CDH8: variants seen among roughly 807,000 people sequenced by gnomAD.
The protein encoded by CDH8 is cadherin 8, also known as cadherin-8.
Under a neutral mutation model 68.1 loss-of-function variants are expected in CDH8, and 17 were observed. That is an observed-to-expected ratio of 0.25 (90% CI 0.17 to 0.37). The LOEUF is 0.37. CDH8 is among the 10% of genes least tolerant of loss of function. CDH8 has a pLI of 1.00. For missense variants in CDH8, 763 were observed against 999.3 expected, an observed-to-expected ratio of 0.76 and a Z score of 3.19; for synonymous variants, 372 against 365.1, an observed-to-expected ratio of 1.02 and a Z score of -0.21.
chr16:62,013,315 A>G (rs1901861188), intron 2 of CDH8, among the ~76,000 whole-genome samples: 1 of 151,462 alleles, frequency 6.6e-6, no homozygotes, highest in African/African-American at 2.4e-5. Flanking sequence ...AATCAAGAGC[A>G]TTGGCAATGT....
At chr16:61,997,259 GATGTTCT>G (rs1965820628) in intron 2 of CDH8, among the ~76,000 whole-genome samples, 1 of 152,018 alleles carries the variant, frequency 6.6e-6, no homozygotes, top group East Asian at 1.9e-4. Flanking sequence ...ATAAAATAAA[GATGTTCT>G]ATTGAGAAAA....
chr16:61,892,462 G>A (rs1169259747), intron 3 of CDH8, among the ~76,000 whole-genome samples: 6 of 152,126 alleles, frequency 3.9e-5, no homozygotes, highest in Non-Finnish European at 1.5e-5. Context: ...ATACTTTAGA[G>A]ACTGAAATAG....
rs3833039 is a variant in CDH8, at chr16:61,817,312, CCACACA to C, written c.1277+161_1277+166del. 2.7e-3 allele frequency among the ~76,000 whole-genome samples: 405 copies of C among 148,074 alleles called. 3 individuals carry two copies. In the East Asian group the frequency reaches 0.029, roughly 11 times the overall value. On this transcript the variant is annotated intron_variant, in intron 7 of 11. Transcript: ENST00000577390. ...GTAGGCATACGTGTGCGTGTACACA[CCACACA>C]CACACACACACACACACACACACAG...
At chr16:61,832,796 A>G (rs1159257479) in intron 4 of CDH8, among the ~76,000 whole-genome samples, 1 of 151,912 alleles carries the variant, frequency 6.6e-6, no homozygotes, top group African/African-American at 2.4e-5. Flanking sequence ...CCTATTGCAA[A>G]TGATTACATT....
At chr16:61,768,312 CT>C (rs1567461059) in intron 8 of CDH8, among the ~76,000 whole-genome samples, 1 of 51,768 alleles carries the variant, frequency 1.9e-5, no homozygotes, top group Non-Finnish European at 3.6e-5. Context: ...GTGTCTCTCC[CT>C]TTCTCTCTCT....
intron 2 of CDH8, among the ~76,000 whole-genome samples, chr16:62,010,934 A>G (rs1388315282): frequency 7.7e-6 from 1 of 129,344 alleles, no homozygotes; most frequent in Non-Finnish European, 1.7e-5. Flanking sequence ...CAAGAGCGAA[A>G]CTCCATTTCA....
At chr16:61,665,752 T>TTTCCTTTC (rs1555500884) in intron 10 of CDH8, among the ~76,000 whole-genome samples, 1 of 99,670 alleles carries the variant, frequency 1.0e-5, no homozygotes, top group Admixed American at 1.0e-4. Context: ...CTGAATTTAT[T>TTTCCTTTC]TTCCTTCCTT....
Position 61,652,639 on chromosome 16 carries a change from T to C in CDH8, c.*969A>G, listed in dbSNP as rs937185465. The C allele has an allele frequency of 9.1e-7, 1 of 1,094,914 alleles. No individual in the cohort carries two copies. The highest frequency in any genetic ancestry group is 4.1e-5 in the South Asian group (1 of 24,230). 67.8% of individuals were successfully genotyped at this position (1,094,914 alleles called of 1,614,324 possible). A position where few individuals can be genotyped will look rare whatever the true frequency, so the allele number is the denominator to read the frequency against. On this transcript the variant is annotated 3_prime_UTR_variant, in exon 12 of 12. Transcript: ENST00000577390. ...GTATTAAACATTCATTGTATATATA[T>C]TTATATAAAACAATCTAAAGGATTA... is the stretch of plus-strand genomic sequence containing the variant.
At chr16:61,945,945 C>T (rs9936428) in intron 2 of CDH8, among the ~76,000 whole-genome samples, 50,765 of 151,942 alleles carry the variant, frequency 0.33, 8,981 homozygotes, top group African/African-American at 0.43. Context: ...TGAAAAGAAA[C>T]GTGGCTGAAT....
intron 2 of CDH8, 93 bp downstream of exon 2, chr16:62,021,059 G>T (rs1215317198): frequency 1.8e-6 from 2 of 1,094,744 alleles, no homozygotes; most frequent in Non-Finnish European, 1.3e-6. Context: ...ACAATTTACA[G>T]CTAAGTGTGG....
At chr16:61,988,131 T>C (rs538508531) in intron 2 of CDH8, among the ~76,000 whole-genome samples, 80 of 152,254 alleles carry the variant, frequency 5.3e-4, no homozygotes, top group African/African-American at 1.6e-3. Flanking sequence ...TTTGTTCTTC[T>C]AGAGAAGAGC....
chr16:61,647,943 A>G lies in CDH8; in HGVS notation c.*5665T>C, dbSNP rs1963240758. ...CTATTAGTAGGGATACTTGCAAGAA[A>G]TAATACTTGCATTCAAGATGTGAAT... is the stretch of plus-strand genomic sequence containing the variant. On this transcript the variant is annotated 3_prime_UTR_variant, in exon 12 of 12. Transcript: ENST00000577390. The G allele has an allele frequency of 4.5e-6, 3 of 671,172 alleles. No individual in the cohort carries two copies. Among genetic ancestry groups the G allele is most frequent in the South Asian group, 1.6e-5 (1 of 62,364 alleles). 41.6% of individuals were successfully genotyped at this position (671,172 alleles called of 1,614,324 possible).
At chr16:61,970,752 C>G (rs1374117943) in intron 2 of CDH8, among the ~76,000 whole-genome samples, 1 of 152,202 alleles carries the variant, frequency 6.6e-6, no homozygotes, top group Non-Finnish European at 1.5e-5. Flanking sequence ...TCAGACCCCA[C>G]AGGTTGAGGG....
intron 2 of CDH8, among the ~76,000 whole-genome samples, chr16:61,929,034 G>A (rs543675974): frequency 3.2e-4 from 49 of 152,046 alleles, no homozygotes; most frequent in East Asian, 9.7e-4. Context: ...TCAGCCTCCC[G>A]AGTAGCTGGG....
intron 3 of CDH8, among the ~76,000 whole-genome samples, chr16:61,883,876 T>C (rs1963623062): frequency 1.3e-5 from 2 of 151,956 alleles, no homozygotes; most frequent in South Asian, 4.1e-4. Context: ...ATGTATTTGA[T>C]GAGAACAATT....
At chr16:61,965,420 G>A (rs1965230275) in intron 2 of CDH8, among the ~76,000 whole-genome samples, 1 of 152,136 alleles carries the variant, frequency 6.6e-6, no homozygotes, top group African/African-American at 2.4e-5. Context: ...GCCAGGCGTG[G>A]GGCAGTTATT....
At chr16:61,910,496 C>A (rs1202864161) in intron 2 of CDH8, among the ~76,000 whole-genome samples, 1 of 151,952 alleles carries the variant, frequency 6.6e-6, no homozygotes, top group Non-Finnish European at 1.5e-5. Context: ...ACTGTGGGAT[C>A]TAGAATAAGA....
intron 8 of CDH8, among the ~76,000 whole-genome samples, chr16:61,768,353 T>TCTCTCC (rs1960665335): frequency 9.1e-6 from 1 of 109,376 alleles, no homozygotes; most frequent in Admixed American, 9.6e-5. Flanking sequence ...TCTCTCTCTC[T>TCTCTCC]CTCTCTCTCT....
At chr16:61,657,547 A>T (rs1157188444) in intron 10 of CDH8, among the ~76,000 whole-genome samples, 1 of 152,112 alleles carries the variant, frequency 6.6e-6, no homozygotes, top group African/African-American at 2.4e-5. Flanking sequence ...TGGAAATACC[A>T]GTAAGCTAAA....
Sources: allele counts gnomAD v4.1 joint callset (sites outside exome capture counted in the v4.1 genomes callset), GRCh38; gene constraint gnomAD v4.1.1; transcripts MANE v1.5; gene names NCBI Gene and HGNC (gene_info 2026-07-23, HGNC 2026-07-21).